Variants in PTPRN2 observed in about 807,000 individuals in gnomAD.
PTPRN2 encodes the protein protein tyrosine phosphatase receptor type N2.
PTPRN2 carries 74 observed loss-of-function variants against 118.8 expected under a neutral mutation model. The ratio of observed to expected loss-of-function variants is 0.62; its 90% CI spans 0.52 to 0.76. The LOEUF (loss-of-function observed/expected upper bound fraction) is 0.76, where lower values mean the gene tolerates loss of function less well. Ranked by LOEUF, PTPRN2 falls within the 30% of genes least tolerant of loss-of-function variation. The pLI, the probability that PTPRN2 is intolerant of heterozygous loss-of-function variation, is 0.00. For synonymous variants in PTPRN2, 641 were observed against 608.0 expected (o/e 1.05, Z -0.80); for missense variants, 1,481 against 1,394.4 (o/e 1.06, Z -0.99).
At chr7:158,017,868 C>T (rs745699662) in intron 11 of PTPRN2, among the ~76,000 whole-genome samples, 1 of 152,154 alleles carries the variant, frequency 6.6e-6, no homozygotes, top group Non-Finnish European at 1.5e-5. Context: ...CTGTGCCCAT[C>T]GGGGTCCCCT....
At chr7:157,911,144 G>A (rs755504015) in intron 11 of PTPRN2, among the ~76,000 whole-genome samples, 12 of 152,308 alleles carry the variant, frequency 7.9e-5, no homozygotes, top group Non-Finnish European at 1.2e-4. Context: ...ATCGGTCTCC[G>A]TGCTATCGTG....
At chr7:158,337,240 C>T (rs1290454030) in intron 2 of PTPRN2, among the ~76,000 whole-genome samples, 181 of 150,164 alleles carry the variant, frequency 1.2e-3, no homozygotes, top group African/African-American at 4.2e-3. Context: ...CCCACATTCT[C>T]ACCATAAGAG....
chr7:157,833,459 C>T (rs1807717777), intron 12 of PTPRN2, among the ~76,000 whole-genome samples: 1 of 148,558 alleles, frequency 6.7e-6, no homozygotes, highest in East Asian at 2.0e-4. Flanking sequence ...GGCCGGTGCC[C>T]ATCCATCCCA....
chr7:157,867,377 T>C (rs1286431185), intron 12 of PTPRN2, among the ~76,000 whole-genome samples: 1 of 131,418 alleles, frequency 7.6e-6, no homozygotes, highest in African/African-American at 3.1e-5. Context: ...ACGCCCTGGA[T>C]ACACGGCCAC....
At chr7:158,098,276 C>T (rs957646529) in intron 10 of PTPRN2, among the ~76,000 whole-genome samples, 2 of 152,160 alleles carry the variant, frequency 1.3e-5, no homozygotes, top group Admixed American at 6.5e-5. Flanking sequence ...GCAGGGGACC[C>T]GCAAAGGATC....
At chr7:158,384,181 C>T (rs1811163825) in intron 2 of PTPRN2, among the ~76,000 whole-genome samples, 1 of 152,236 alleles carries the variant, frequency 6.6e-6, no homozygotes, top group South Asian at 2.1e-4. Context: ...TATTTGTCTG[C>T]TGTCACCCAG....
chr7:157,745,358 G>T (rs955865743), intron 12 of PTPRN2, among the ~76,000 whole-genome samples: 2 of 152,044 alleles, frequency 1.3e-5, no homozygotes, highest in Non-Finnish European at 2.9e-5. Flanking sequence ...TGCTCCAGAC[G>T]AACGCAAGGC....
chr7:157,821,485 G>A (rs1472525469), intron 12 of PTPRN2, among the ~76,000 whole-genome samples: 1 of 152,228 alleles, frequency 6.6e-6, no homozygotes, highest in African/African-American at 2.4e-5. Context: ...AGAAAGAGCA[G>A]CCAGAGACAT....
At chr7:157,726,708 G>T (rs76619423) in intron 12 of PTPRN2, among the ~76,000 whole-genome samples, 27,467 of 152,262 alleles carry the variant, frequency 0.18, 3,387 homozygotes, top group Non-Finnish European at 0.28. Flanking sequence ...TCCAGAGAGC[G>T]AAAAGACAAC....
intron 10 of PTPRN2, among the ~76,000 whole-genome samples, chr7:158,085,115 A>G (rs1201572393): frequency 8.8e-6 from 1 of 114,262 alleles, no homozygotes; most frequent in Admixed American, 9.4e-5. Context: ...ATCCACACCC[A>G]TGACGCCCAT....
intron 2 of PTPRN2, among the ~76,000 whole-genome samples, chr7:158,321,225 G>A (rs1474681908): frequency 2.0e-5 from 3 of 152,186 alleles, no homozygotes; most frequent in East Asian, 1.9e-4. Flanking sequence ...AAACAATCCC[G>A]GGAAGTGGCA....
At chr7:158,092,896 G>A (rs1168235262) in intron 10 of PTPRN2, among the ~76,000 whole-genome samples, 5 of 152,162 alleles carry the variant, frequency 3.3e-5, no homozygotes, top group South Asian at 2.1e-4. Context: ...AAGAGAGCAC[G>A]CTGCTGTGGT....
chr7:157,751,769 A>T (rs939981589), intron 12 of PTPRN2, among the ~76,000 whole-genome samples: 1 of 144,458 alleles, frequency 6.9e-6, no homozygotes, highest in South Asian at 2.4e-4. Flanking sequence ...CCTTTGTTTC[A>T]TGTTCACCAA....
chr7:158,039,245 A>G (rs1808290914), intron 11 of PTPRN2, among the ~76,000 whole-genome samples: 2 of 152,262 alleles, frequency 1.3e-5, no homozygotes, highest in African/African-American at 2.4e-5. Context: ...CTACAGCATG[A>G]AACCAGTCAT....
At chr7:158,374,848 G>A (rs2151327118) in intron 2 of PTPRN2, among the ~76,000 whole-genome samples, 1 of 152,340 alleles carries the variant, frequency 6.6e-6, no homozygotes, top group African/African-American at 2.4e-5. Flanking sequence ...CTAAGTCACA[G>A]CACAGGCAGG....
chr7:157,709,966 T>C (rs1323900968), intron 12 of PTPRN2, among the ~76,000 whole-genome samples: 1 of 152,118 alleles, frequency 6.6e-6, no homozygotes, highest in Non-Finnish European at 1.5e-5. Context: ...AGCCCTCAGC[T>C]GGGGGCAAAC....
intron 11 of PTPRN2, among the ~76,000 whole-genome samples, chr7:157,923,443 C>T (rs907055563): frequency 3.3e-5 from 5 of 152,202 alleles, no homozygotes; most frequent in African/African-American, 1.2e-4. Context: ...GAGCTCTTTC[C>T]CCTCGCGAGG....
intron 8 of PTPRN2, among the ~76,000 whole-genome samples, chr7:158,135,927 T>C (rs1818764782): frequency 6.6e-6 from 1 of 152,220 alleles, no homozygotes; most frequent in Non-Finnish European, 1.5e-5. Context: ...GAACGGTTCT[T>C]CATCCTTCGG....
intron 2 of PTPRN2, among the ~76,000 whole-genome samples, chr7:158,460,006 T>A (rs6953019): frequency 1.1e-4 from 5 of 46,952 alleles, no homozygotes; most frequent in Non-Finnish European, 1.4e-4. Context: ...TCTATCTACA[T>A]GCTCCTCCTA....
Sources: gnomAD v4.1 joint callset for allele counts (sites outside exome capture counted in the v4.1 genomes callset) on GRCh38, gnomAD v4.1.1 for gene constraint, MANE v1.5 for transcripts, NCBI Gene and HGNC (gene_info 2026-07-23, HGNC 2026-07-21) for gene names.